Variants in CERS4 observed in about 807,000 individuals in gnomAD.
CERS4 encodes the protein LAG1 homolog, ceramide synthase 4.
In CERS4, 65 loss-of-function variants were observed where a neutral mutation model predicts 51.8. The ratio of observed to expected loss-of-function variants is 1.26; its 90% confidence interval spans 1.03 to 1.54. The LOEUF (loss-of-function observed/expected upper bound fraction) is 1.54. CERS4 is among the 40% of genes most tolerant of loss of function. The pLI, the probability that CERS4 is intolerant of heterozygous loss-of-function variation, is 0.00. For missense variants in CERS4, 563 were observed against 500.4 expected, an observed-to-expected ratio of 1.13 and a Z score of -1.19; for synonymous variants, 228 against 208.4, an observed-to-expected ratio of 1.09 and a Z score of -0.81.
At chr19:8,239,738 C>G (rs1968443938) in intron 2 of CERS4, 1 of 131,314 alleles carries the variant, frequency 7.6e-6, no homozygotes, top group African/African-American at 2.4e-5. Context: ...GCCAACCATG[C>G]CTGTTAAGGG....
intron 10 of CERS4, chr19:8,261,175 C>A: frequency 6.4e-6 from 1 of 156,634 alleles, no homozygotes; most frequent in Non-Finnish European, 1.4e-5. Flanking sequence ...CACCTCTGTC[C>A]GGCTACCCGG....
At chr19:8,235,007 CT>C (rs566104740) in intron 2 of CERS4, among the ~76,000 whole-genome samples, 2 of 127,892 alleles carry the variant, frequency 1.6e-5, no homozygotes, top group African/African-American at 6.2e-5. Flanking sequence ...TTCTTTCTTT[CT>C]TTCTTTTTTT....
intron 3 of CERS4, among the ~76,000 whole-genome samples, chr19:8,253,190 G>A (rs1969178535): frequency 6.6e-6 from 1 of 152,244 alleles, no homozygotes; most frequent in African/African-American, 2.4e-5. Context: ...TGGGCAACGT[G>A]GCCATTGACC....
At chr19:8,257,156 C>A in intron 9 of CERS4, 79 bp downstream of exon 9, 1 of 1,431,614 alleles carries the variant, frequency 7.0e-7, no homozygotes, top group Non-Finnish European at 9.4e-7. Flanking sequence ...GGTCCCATTC[C>A]TCCCAACCTT....
chr19:8,227,347 C>G (rs186987044), intron 2 of CERS4, among the ~76,000 whole-genome samples: 12 of 151,708 alleles, frequency 7.9e-5, no homozygotes, highest in Admixed American at 2.6e-4. Flanking sequence ...CTTCTTTTTC[C>G]TTGAGACAGA....
chr19:8,249,852 G>A (rs549952670), intron 2 of CERS4, among the ~76,000 whole-genome samples: 1 of 152,042 alleles, frequency 6.6e-6, no homozygotes, highest in East Asian at 1.9e-4. Flanking sequence ...GCCTCCCAAA[G>A]TGCTGGGATT....
At position 8,255,605 on chromosome 19, in the gene CERS4, A is replaced by C. The variant is rs773060527; in HGVS notation, c.292-2A>C. 3.7e-6 allele frequency: 6 copies of C among 1,609,804 alleles called. No homozygotes were observed. Among genetic ancestry groups the C allele is most frequent in the African/African-American group, 1.3e-5 (1 of 74,816 alleles). ...CCCTTGTCCTCATCACCCCCTCCCCAGCCCCAGCTGTCTCTCCTGGCCGCC... is the reference window on the plus strand; with the variant it reads ...CCCTTGTCCTCATCACCCCCTCCCCCGCCCCAGCTGTCTCTCCTGGCCGCC... On this transcript the variant is annotated splice_acceptor_variant, in intron 4 of 11. Coordinates refer to ENST00000251363, the MANE Select transcript of CERS4 (RefSeq NM_024552.3). LOFTEE classifies it high-confidence loss of function.
Position 8,255,662 on chromosome 19 carries a change from G to A in CERS4, c.347G>A (p.Arg116Gln), listed in dbSNP as rs754711020. The A allele has an allele frequency of 1.2e-5, 19 of 1,613,034 alleles. No individual in the cohort carries two copies. Among genetic ancestry groups the A allele is most frequent in the Non-Finnish European group, 1.6e-5 (19 of 1,179,890 alleles). ...QCGLTLQQTQ[R>Q]WFRRRRNQDR... Reference sequence around the variant, plus strand: ...GGCCTCACGCTGCAGCAGACCCAGCGATGGTTCCGGAGACGCCGGAACCAG... The same window carrying A: ...GGCCTCACGCTGCAGCAGACCCAGCAATGGTTCCGGAGACGCCGGAACCAG... Residue 116 changes from arginine to glutamine, a missense_variant, in exon 5 of 12, where the codon CGA (arginine) becomes CAA (glutamine). By Grantham distance (43) the Arg-to-Gln change is conservative (BLOSUM62 1). Coordinates refer to ENST00000251363, the MANE Select transcript of CERS4 (RefSeq NM_024552.3).
At chr19:8,255,995 A>C (rs528793071) in intron 6 of CERS4, 116 bp downstream of exon 6, 10 of 1,208,530 alleles carry the variant, frequency 8.3e-6, no homozygotes, top group East Asian at 2.4e-5. Context: ...AGCTGAGGAG[A>C]GAGCGAGCTT....
intron 2 of CERS4, among the ~76,000 whole-genome samples, chr19:8,219,139 G>A (rs1460762407): frequency 2.6e-5 from 4 of 152,144 alleles, no homozygotes; most frequent in Non-Finnish European, 1.5e-5. Context: ...CCCAGGAGGC[G>A]GAGGTTGCCG....
At chr19:8,240,783 C>T (rs927536320) in intron 2 of CERS4, among the ~76,000 whole-genome samples, 2 of 152,120 alleles carry the variant, frequency 1.3e-5, no homozygotes, top group Admixed American at 6.6e-5. Flanking sequence ...TCGGGGAAGC[C>T]GTGGGAACCA....
At chr19:8,259,389 G>C (rs1304915757) in intron 10 of CERS4, among the ~76,000 whole-genome samples, 1 of 152,158 alleles carries the variant, frequency 6.6e-6, no homozygotes, top group East Asian at 1.9e-4. Flanking sequence ...AGTGGGTGAG[G>C]GGGAGGGTAG....
At chr19:8,257,595 A>G (rs1969463346) in intron 9 of CERS4, among the ~76,000 whole-genome samples, 1 of 151,888 alleles carries the variant, frequency 6.6e-6, no homozygotes, top group Admixed American at 6.6e-5. Context: ...CATGCCAGCT[A>G]ACTTTTGTAT....
At chr19:8,236,093 G>C (rs183080080) in intron 2 of CERS4, among the ~76,000 whole-genome samples, 29 of 152,192 alleles carry the variant, frequency 1.9e-4, no homozygotes, top group Middle Eastern at 3.4e-3. Flanking sequence ...CTACTCCGGG[G>C]GCTGAGGCAG....
rs1201540609 is a variant in CERS4 at position 8,251,132 on chromosome 19, A to G, written c.56A>G (p.Asn19Ser). 3.1e-6 allele frequency: 5 copies of G among 1,612,052 alleles called. No individual in the cohort carries two copies. Among genetic ancestry groups the G allele is most frequent in the Non-Finnish European group, 4.2e-6 (5 of 1,179,268 alleles). Reference protein sequence around the residue: ...FWQDRFWLPPNVTWTELEDRD... With the variant: ...FWQDRFWLPPSVTWTELEDRD... The stretch of plus-strand genomic sequence containing the variant: ...CAGGACAGGTTCTGGTTACCACCCA[A>G]TGTCACGTGGACAGAGCTAGAAGAC... The change falls in exon 3 of 12, where the codon AAT (asparagine) becomes AGT (serine). Residue 19 changes from asparagine (N) to serine (S), a missense_variant. By Grantham distance (46) the Asn-to-Ser change is conservative (BLOSUM62 1). Transcript: ENST00000251363.
intron 2 of CERS4, among the ~76,000 whole-genome samples, chr19:8,248,837 G>A: frequency 7.5e-6 from 1 of 133,616 alleles, no homozygotes; most frequent in South Asian, 2.4e-4. Context: ...ATGATGGGTG[G>A]GTGGACAGAT....
intron 2 of CERS4, chr19:8,238,659 TG>T: frequency 1.1e-6 from 1 of 909,686 alleles, no homozygotes; most frequent in South Asian, 5.1e-5. Flanking sequence ...CAGTATTGGT[TG>T]TAGGTTTTGA....
chr19:8,240,585 A>AGTTGTGTGTGTGTGTGTGTGTGT (rs6146457), intron 2 of CERS4: 4 of 142,080 alleles, frequency 2.8e-5, no homozygotes, highest in African/African-American at 1.1e-4. Context: ...AATGTATGCA[A>AGTTGTGTGTGTGTGTGTGTGTGT]GTGTGTGTGT....
chr19:8,237,361 G>A (rs1381129250), intron 2 of CERS4, among the ~76,000 whole-genome samples: 1 of 151,998 alleles, frequency 6.6e-6, no homozygotes, highest in Non-Finnish European at 1.5e-5. Flanking sequence ...AGACCAGCCT[G>A]GCCAACATTG....
Sources: gnomAD v4.1 joint callset for allele counts (sites outside exome capture counted in the v4.1 genomes callset) on GRCh38, gnomAD v4.1.1 for gene constraint, MANE v1.5 for transcripts, NCBI Gene and HGNC (gene_info 2026-07-23, HGNC 2026-07-21) for gene names.